Variants in TIRAP observed in about 807,000 individuals in gnomAD.
TIRAP encodes toll/interleukin-1 receptor domain-containing adapter protein.
A neutral mutation model predicts 19.8 loss-of-function variants in TIRAP; 20 were observed. That is an observed-to-expected ratio of 1.01 (90% CI 0.71 to 1.47). The LOEUF is 1.47. Ranked by LOEUF, TIRAP falls within the 40% of genes most tolerant of loss-of-function variation. The pLI is 0.00. For missense variants in TIRAP, 276 were observed against 285.1 expected (o/e 0.97, Z 0.23); for synonymous variants, 125 against 121.7 (o/e 1.03, Z -0.18).
Position 126,287,318 on chromosome 11 carries a change from ATT to A in TIRAP, c.-216-3132_-216-3131del, listed in dbSNP as rs34312598. Among the ~76,000 whole-genome samples, 2 of 147,542 alleles carry A rather than the reference ATT, an allele frequency of 1.4e-5. No homozygotes were observed. The highest frequency in any genetic ancestry group is 5.0e-5 in the African/African-American group (2 of 40,364). On this transcript the variant is annotated intron_variant, in intron 1 of 4. Coordinates refer to ENST00000392679, the MANE Select transcript of TIRAP (RefSeq NM_001318777.2). This position sits in a 1 kb window ranked among gnomAD's most constrained non-coding sequence, Gnocchi z 4.2. Reference sequence around the variant, plus strand: ...ATATTGGATACTAAATACACTTTGGATTTTTTTTTTTTTATTTTTGAGACTTG... The same window carrying A: ...ATATTGGATACTAAATACACTTTGGATTTTTTTTTTTATTTTTGAGACTTG...
chr11:126,286,005 A>G (rs187454335), intron 1 of TIRAP, among the ~76,000 whole-genome samples: 2 of 149,956 alleles, frequency 1.3e-5, no homozygotes, highest in East Asian at 4.0e-4. Flanking sequence ...AGTGAGCTGT[A>G]ATCACAACAC....
rs1591373638 is a variant in TIRAP, at chr11:126,291,388, T to C, written c.67+427T>C. On this transcript the variant is annotated intron_variant, in intron 3 of 4. Transcript: ENST00000392679. The surrounding 1 kb of genome is among the most constrained non-coding windows in gnomAD (Gnocchi z 5.6). ...TTCATCTCCTTATGGAGTCCCATAC[T>C]CCAAACACAGACCTGAGCAGTGTTT... is the stretch of plus-strand genomic sequence containing the variant. 3.9e-6 allele frequency: 5 copies of C among 1,281,598 alleles called. No homozygotes were observed. Among genetic ancestry groups the C allele is most frequent in the Non-Finnish European group, 5.2e-6 (5 of 970,260 alleles). 79.4% of individuals were successfully genotyped at this position (1,281,598 alleles called of 1,614,324 possible).
At position 126,294,835 on chromosome 11, in the gene TIRAP, C is replaced by T. The variant is rs1006970146; in HGVS notation, c.*1148C>T. 2 of 268,134 alleles carry T rather than the reference C, an allele frequency of 7.5e-6. No individual in the cohort carries two copies. The highest frequency in any genetic ancestry group is 1.5e-3 in the Middle Eastern group (1 of 688). 16.6% of individuals were successfully genotyped at this position (268,134 alleles called of 1,614,324 possible). A position where few individuals can be genotyped will look rare whatever the true frequency, so the allele number is the denominator to read the frequency against. On this transcript the variant is annotated 3_prime_UTR_variant, in exon 5 of 5. Coordinates refer to ENST00000392679, the MANE Select transcript of TIRAP (RefSeq NM_001318777.2). Reference sequence around the variant, plus strand: ...ATTTTGCCAGGCGCCATGGCTCACACCTGTAATCTCAGCACTTTGGGAGGC... The same window carrying T: ...ATTTTGCCAGGCGCCATGGCTCACATCTGTAATCTCAGCACTTTGGGAGGC...
At chr11:126,285,289 G>A (rs4935964) in intron 1 of TIRAP, among the ~76,000 whole-genome samples, 26,326 of 135,944 alleles carry the variant, frequency 0.19, 2,682 homozygotes, top group Non-Finnish European at 0.26. Flanking sequence ...TTTTTGAGAC[G>A]GAGTCTCTGT....
chr11:126,290,679 C>T lies in TIRAP; in HGVS notation c.-93+94C>T. 2 of 1,346,798 alleles carry T rather than the reference C, an allele frequency of 1.5e-6. No individual in the cohort carries two copies. The highest frequency in any genetic ancestry group is 6.2e-5 in the East Asian group (2 of 32,116). 83.4% of individuals were successfully genotyped at this position (1,346,798 alleles called of 1,614,324 possible). ...CCCTAATCTCATGAGGAATGAAAGA[C>T]CCATTTAGAGAAGAAGCCTCTGTCA... On this transcript the variant is annotated intron_variant, in intron 2 of 4. Coordinates refer to ENST00000392679, the MANE Select transcript of TIRAP (RefSeq NM_001318777.2). The surrounding 1 kb of genome is among the most constrained non-coding windows in gnomAD (Gnocchi z 4.9).
rs1951389494 is a variant in TIRAP at position 126,291,624 on chromosome 11, C to T, written c.67+663C>T. ...CCTCAGCAACTCTGAGCAGTAGCCTCTTCCCCATTTAGCGACAATCTAGGA... is the reference window on the plus strand; with the variant it reads ...CCTCAGCAACTCTGAGCAGTAGCCTTTTCCCCATTTAGCGACAATCTAGGA... On this transcript the variant is annotated intron_variant, in intron 3 of 4. Coordinates refer to ENST00000392679, the MANE Select transcript of TIRAP (RefSeq NM_001318777.2). This position sits in a 1 kb window ranked among gnomAD's most constrained non-coding sequence, Gnocchi z 5.6. 1 of 430,648 alleles carries T rather than the reference C, an allele frequency of 2.3e-6. No homozygotes were observed. Among genetic ancestry groups the T allele is most frequent in the Non-Finnish European group, 4.7e-6 (1 of 213,198 alleles). 26.7% of individuals were successfully genotyped at this position (430,648 alleles called of 1,614,324 possible). A position where few individuals can be genotyped will look rare whatever the true frequency, so the allele number is the denominator to read the frequency against.
rs1951349496 is a variant in TIRAP, at chr11:126,288,772, A to T, written c.-216-1690A>T. ...GAGAAACTGAAACTTTAAAATCTAC[A>T]TATATTAAGTAGATTAACATATTAT... is the stretch of plus-strand genomic sequence containing the variant. On this transcript the variant is annotated intron_variant, in intron 1 of 4. Coordinates refer to ENST00000392679, the MANE Select transcript of TIRAP (RefSeq NM_001318777.2). The surrounding 1 kb of genome is among the most constrained non-coding windows in gnomAD (Gnocchi z 5.0). 6.6e-6 allele frequency among the ~76,000 whole-genome samples: 1 copy of T among 152,216 alleles called. No individual in the cohort carries two copies. Among genetic ancestry groups the T allele is most frequent in the Admixed American group, 6.5e-5 (1 of 15,284 alleles).
Position 126,292,874 on chromosome 11 carries a change from C to T in TIRAP, c.465C>T (p.Pro155=). ...TCACGCCGGGCTTCCTTCAGGACCCCTGGTGCAAGTACCAGATGCTGCAGG... is the reference window on the plus strand; with the variant it reads ...TCACGCCGGGCTTCCTTCAGGACCCTTGGTGCAAGTACCAGATGCTGCAGG... ...LLITPGFLQD[P]WCKYQMLQAL... Residue 155 remains proline, a synonymous_variant, in exon 4 of 5, where the codon CCC becomes CCT. Coordinates refer to ENST00000392679, the MANE Select transcript of TIRAP (RefSeq NM_001318777.2). 2 of 1,613,452 alleles carry T rather than the reference C, an allele frequency of 1.2e-6. No individual in the cohort carries two copies. The highest frequency in any genetic ancestry group is 8.5e-7 in the Non-Finnish European group (1 of 1,179,962).
intron 1 of TIRAP, among the ~76,000 whole-genome samples, chr11:126,289,035 T>C (rs1951353077): frequency 6.6e-6 from 1 of 152,132 alleles, no homozygotes; most frequent in African/African-American, 2.4e-5. Flanking sequence ...GAAAAGAAAC[T>C]CATATACATA....
rs761236017 is a variant in TIRAP at position 126,293,723 on chromosome 11, G to A, written c.*36G>A. The A allele has an allele frequency of 9.3e-6, 15 of 1,613,518 alleles. No individual in the cohort carries two copies. Among genetic ancestry groups the A allele is most frequent in the Non-Finnish European group, 1.3e-5 (15 of 1,179,430 alleles). On this transcript the variant is annotated 3_prime_UTR_variant, in exon 5 of 5. Coordinates refer to ENST00000392679, the MANE Select transcript of TIRAP (RefSeq NM_001318777.2). ...ATCATGGGACCCCGGAAATTGGAGT[G>A]AAGCTAGAAACAGAAAACCCATGCA...
chr11:126,292,883 G>A lies in TIRAP; in HGVS notation c.474G>A (p.Lys158=). The change falls in exon 4 of 5, where the codon AAG becomes AAA. Residue 158 remains lysine, a synonymous_variant. Transcript: ENST00000392679. ...TPGFLQDPWC[K]YQMLQALTEA... is the part of the protein sequence containing the mutation. ...GCTTCCTTCAGGACCCCTGGTGCAA[G>A]TACCAGATGCTGCAGGCCCTGACCG... The A allele has an allele frequency of 6.2e-7, 1 of 1,613,528 alleles. No homozygotes were observed. The highest frequency in any genetic ancestry group is 1.1e-5 in the South Asian group (1 of 91,028).
intron 1 of TIRAP, chr11:126,289,782 G>A: frequency 1.0e-6 from 1 of 985,416 alleles, no homozygotes; most frequent in African/African-American, 1.7e-5. Context: ...AAGGCTGAAA[G>A]AGTGTCCGCC....
Position 126,292,916 on chromosome 11 carries a change from AG to A in TIRAP, c.511del (p.Ala171ProfsTer64). ...QMLQALTEAP[G>X]AEGCTIPLLS... The stretch of plus-strand genomic sequence containing the variant: ...TGCTGCAGGCCCTGACCGAGGCTCC[AG>A]GGGCCGAGGGCTGCACCATCCCCCT... On this transcript the variant is annotated frameshift_variant, in exon 4 of 5. Transcript: ENST00000392679. LOFTEE classifies it high-confidence loss of function. The A allele has an allele frequency of 6.2e-7, 1 of 1,613,836 alleles. No homozygotes were observed. The highest frequency in any genetic ancestry group is 8.5e-7 in the Non-Finnish European group (1 of 1,179,942).
chr11:126,285,293 T>A (rs1421444517), intron 1 of TIRAP, among the ~76,000 whole-genome samples: 1 of 149,056 alleles, frequency 6.7e-6, no homozygotes, highest in Non-Finnish European at 1.5e-5. Context: ...TGAGACGGAG[T>A]CTCTGTCACC....
Position 126,292,685 on chromosome 11 carries a change from C to T in TIRAP, c.276C>T (p.His92=). Residue 92 remains histidine (H), a synonymous_variant, in exon 4 of 5, where the codon CAC becomes CAT. Coordinates refer to ENST00000392679, the MANE Select transcript of TIRAP (RefSeq NM_001318777.2). ...WSKDYDVCVC[H]SEEDLVAAQD... ...AAGACTATGACGTCTGCGTGTGCCA[C>T]AGTGAGGAAGACCTGGTGGCCGCCC... 6.2e-7 allele frequency: 1 copy of T among 1,613,960 alleles called. No homozygotes were observed. Among genetic ancestry groups the T allele is most frequent in the Non-Finnish European group, 8.5e-7 (1 of 1,179,934 alleles).
intron 1 of TIRAP, among the ~76,000 whole-genome samples, chr11:126,285,267 T>C (rs1007083791): frequency 1.4e-5 from 2 of 142,308 alleles, no homozygotes; most frequent in African/African-American, 5.1e-5. Context: ...ATATAATATA[T>C]ATTTTATTTG....
At chr11:126,283,240 A>G in intron 1 of TIRAP, 87 bp downstream of exon 1, 1 of 774,996 alleles carries the variant, frequency 1.3e-6, no homozygotes, top group Non-Finnish European at 1.6e-6. Flanking sequence ...CCTGGGCCCC[A>G]GAGTCCCGGC....
rs543271785 is a variant in TIRAP at position 126,292,900 on chromosome 11, C to A, written c.491C>A (p.Ala164Asp). The A allele has an allele frequency of 1.7e-5, 28 of 1,613,588 alleles. No homozygotes were observed. In the African/African-American group the frequency reaches 2.9e-4, roughly 17 times the overall value. ...TGGTGCAAGTACCAGATGCTGCAGG[C>A]CCTGACCGAGGCTCCAGGGGCCGAG... is the stretch of plus-strand genomic sequence containing the variant. ...DPWCKYQMLQ[A>D]LTEAPGAEGC... is the part of the protein sequence containing the mutation. The change falls in exon 4 of 5, where the codon GCC (alanine) becomes GAC (aspartate). Residue 164 changes from alanine (A) to aspartate (D), a missense_variant. Coordinates refer to ENST00000392679, the MANE Select transcript of TIRAP (RefSeq NM_001318777.2).
intron 1 of TIRAP, among the ~76,000 whole-genome samples, chr11:126,284,385 A>G: frequency 6.6e-6 from 1 of 152,090 alleles, no homozygotes; most frequent in East Asian, 1.9e-4. Flanking sequence ...GTTTTGTGAT[A>G]TTCACCCATG....
Sources: gnomAD v4.1 joint callset for allele counts (sites outside exome capture counted in the v4.1 genomes callset) on GRCh38, gnomAD v4.1.1 for gene constraint, Gnocchi (gnomAD v3.1) non-coding constraint, MANE v1.5 for transcripts, NCBI Gene and HGNC (gene_info 2026-07-23, HGNC 2026-07-21) for gene names.